The following RAB38 variants were observed in gnomAD, a reference collection of about 807,000 sequenced individuals.
RAB38 encodes the protein RAB38, member RAS oncogene family.
RAB38 carries 15 observed loss-of-function variants against 18.4 expected under a neutral mutation model. The observed-to-expected ratio is 0.82, with a 90% CI of 0.55 to 1.26. The LOEUF (loss-of-function observed/expected upper bound fraction) is 1.26. Ranked by LOEUF, RAB38 falls within the 50% of genes most tolerant of loss-of-function variation. The pLI, the probability that RAB38 is intolerant of heterozygous loss-of-function variation, is 0.00. For missense variants in RAB38, 294 were observed against 267.4 expected, an observed-to-expected ratio of 1.10 and a Z score of -0.69; for synonymous variants, 101 against 104.4, an observed-to-expected ratio of 0.97 and a Z score of 0.20.
At chr11:88,103,175 T>C in the RAB38 span, among the ~76,000 whole-genome samples, 1 of 152,102 alleles carries the variant, frequency 6.6e-6, no homozygotes, top group Non-Finnish European at 1.5e-5. Context: ...CTAAATACCA[T>C]AGTGTTATTT....
chr11:87,902,566 T>C, the RAB38 span, among the ~76,000 whole-genome samples: 1 of 151,506 alleles, frequency 6.6e-6, no homozygotes, highest in African/African-American at 2.4e-5. Context: ...GGGTTTTGAT[T>C]AGTATTGTTT....
the RAB38 span, among the ~76,000 whole-genome samples, chr11:88,052,927 T>TC: frequency 3.6e-4 from 16 of 43,866 alleles, 1 homozygote; most frequent in African/African-American, 3.8e-4. Context: ...TATATATATA[T>TC]ATATATATAT....
chr11:88,051,933 G>T, the RAB38 span, among the ~76,000 whole-genome samples: 1 of 152,118 alleles, frequency 6.6e-6, no homozygotes, highest in African/African-American at 2.4e-5. Context: ...AGACCAGCCT[G>T]ACCCACATGG....
the RAB38 span, among the ~76,000 whole-genome samples, chr11:87,901,126 G>A: frequency 1.3e-5 from 2 of 151,502 alleles, no homozygotes; most frequent in Non-Finnish European, 3.0e-5. Context: ...TGGAAGTGAT[G>A]TTAAAATTAT....
chr11:87,812,468 G>A, the RAB38 span, among the ~76,000 whole-genome samples: 10,865 of 152,200 alleles, frequency 0.071, 462 homozygotes, highest in African/African-American at 0.11. Flanking sequence ...ACATGTAGTC[G>A]TATGTTTTGG....
the RAB38 span, among the ~76,000 whole-genome samples, chr11:87,820,222 A>G: frequency 1.3e-4 from 20 of 152,216 alleles, no homozygotes; most frequent in African/African-American, 4.8e-4. Flanking sequence ...GGACTGATGG[A>G]GTGAAAGAGA....
At chr11:87,894,455 T>A in the RAB38 span, among the ~76,000 whole-genome samples, 3 of 151,698 alleles carry the variant, frequency 2.0e-5, no homozygotes, top group African/African-American at 4.8e-5. Context: ...CTGGGAGCAG[T>A]TCCGACATAC....
At chr11:87,825,735 T>G in the RAB38 span, among the ~76,000 whole-genome samples, 2 of 151,660 alleles carry the variant, frequency 1.3e-5, no homozygotes, top group African/African-American at 2.4e-5. Context: ...GGACAAGGAG[T>G]TTGGAAGGAT....
the RAB38 span, among the ~76,000 whole-genome samples, chr11:87,954,505 T>C: frequency 6.6e-6 from 1 of 151,464 alleles, no homozygotes; most frequent in Admixed American, 6.6e-5. Flanking sequence ...CAAGTCTCAA[T>C]ACCTACTGAA....
chr11:88,109,009 G>C (rs1055158731), downstream of RAB38, among the ~76,000 whole-genome samples: 13 of 152,168 alleles, frequency 8.5e-5, no homozygotes, highest in African/African-American at 3.1e-4. Context: ...GAGATGCGCT[G>C]TTAGTCTGAT....
the RAB38 span, among the ~76,000 whole-genome samples, chr11:87,937,790 A>C: frequency 2.0e-5 from 3 of 149,328 alleles, no homozygotes; most frequent in Non-Finnish European, 4.4e-5. Context: ...CTATTACTTC[A>C]CTGGCAGTTT....
chr11:88,131,353 C>T (rs116030239), intron 2 of RAB38, among the ~76,000 whole-genome samples: 1,885 of 152,198 alleles, frequency 0.012, 37 homozygotes, highest in African/African-American at 0.043. Context: ...CTAAACAAGA[C>T]AGATTTATTT....
At chr11:88,051,888 C>A in the RAB38 span, among the ~76,000 whole-genome samples, 1 of 152,098 alleles carries the variant, frequency 6.6e-6, no homozygotes, top group Non-Finnish European at 1.5e-5. Context: ...CTTTCGGAGG[C>A]CGAGGCTGGT....
At chr11:88,024,404 T>C in the RAB38 span, among the ~76,000 whole-genome samples, 5,079 of 152,188 alleles carry the variant, frequency 0.033, 226 homozygotes, top group South Asian at 0.076. Context: ...GGGGAAGATA[T>C]GGAGAAAAAG....
At chr11:88,018,154 A>G in the RAB38 span, among the ~76,000 whole-genome samples, 1 of 151,976 alleles carries the variant, frequency 6.6e-6, no homozygotes, top group Non-Finnish European at 1.5e-5. Flanking sequence ...GGAGTAATGC[A>G]CAGACCTTCA....
At chr11:88,077,268 A>C in the RAB38 span, among the ~76,000 whole-genome samples, 1 of 152,074 alleles carries the variant, frequency 6.6e-6, no homozygotes, top group Non-Finnish European at 1.5e-5. Context: ...ATTACCAATG[A>C]CATTCTTCAC....
intron 1 of RAB38, chr11:88,174,179 G>T: frequency 1.3e-6 from 1 of 788,348 alleles, no homozygotes; most frequent in Non-Finnish European, 1.5e-6. Flanking sequence ...CAACTGAGCT[G>T]AAGAGACTTG....
the RAB38 span, among the ~76,000 whole-genome samples, chr11:87,881,294 T>C: frequency 1.3e-5 from 2 of 152,000 alleles, no homozygotes; most frequent in Non-Finnish European, 2.9e-5. Context: ...TTGATTCATG[T>C]TTTATCCGTG....
the RAB38 span, among the ~76,000 whole-genome samples, chr11:87,916,180 T>C: frequency 3.3e-5 from 5 of 152,066 alleles, no homozygotes; most frequent in African/African-American, 1.2e-4. Context: ...TGGGAGGGAA[T>C]GACTGTATTT....
Sources: allele counts gnomAD v4.1 joint callset (sites outside exome capture counted in the v4.1 genomes callset), GRCh38; gene constraint gnomAD v4.1.1; transcripts MANE v1.5; gene names NCBI Gene and HGNC (gene_info 2026-07-23, HGNC 2026-07-21).